The following EHBP1 variants were observed in gnomAD, a reference collection of about 807,000 sequenced individuals.
EHBP1 encodes EH domain binding protein 1.
A neutral mutation model predicts 144.0 loss-of-function variants in EHBP1; 55 were observed. The observed-to-expected ratio is 0.38, with a 90% CI of 0.31 to 0.48. The LOEUF (loss-of-function observed/expected upper bound fraction) is 0.48, where lower values mean the gene tolerates loss of function less well. Among genes scored for constraint, EHBP1 ranks in the 20% least tolerant of loss-of-function variants. The probability of loss-of-function intolerance (pLI) is 0.98; values close to 1 mark genes in which losing one functional copy is unlikely to be tolerated. For missense variants in EHBP1, 1,200 were observed against 1,364.2 expected, an observed-to-expected ratio of 0.88 and a Z score of 1.90; for synonymous variants, 469 against 472.7, an observed-to-expected ratio of 0.99 and a Z score of 0.10.
chr2:62,794,698 T>C (rs2043414527), intron 5 of EHBP1, among the ~76,000 whole-genome samples: 1 of 152,012 alleles, frequency 6.6e-6, no homozygotes, highest in Non-Finnish European at 1.5e-5. Context: ...TACTATTGAA[T>C]CTTCTTTAAA....
chr2:62,901,534 T>C (rs1163306715), intron 10 of EHBP1, among the ~76,000 whole-genome samples: 1 of 151,948 alleles, frequency 6.6e-6, no homozygotes, highest in Admixed American at 6.6e-5. Flanking sequence ...AAGTTGGAGA[T>C]GCTATTTTAT....
At chr2:63,028,887 C>G (rs1333891635) in intron 19 of EHBP1, among the ~76,000 whole-genome samples, 1 of 152,112 alleles carries the variant, frequency 6.6e-6, no homozygotes, top group African/African-American at 2.4e-5. Flanking sequence ...ATGATGAAAA[C>G]TTACTTTCCC....
intron 2 of EHBP1, 53 bp from the exon 3 acceptor site, chr2:62,747,342 G>T: frequency 6.4e-7 from 1 of 1,550,522 alleles, no homozygotes. Flanking sequence ...GCGCTAAAAT[G>T]AAACTTTATT....
intron 10 of EHBP1, among the ~76,000 whole-genome samples, chr2:62,905,282 G>C (rs2053706536): frequency 6.6e-6 from 1 of 152,262 alleles, no homozygotes; most frequent in Non-Finnish European, 1.5e-5. Flanking sequence ...AAGGAGGAAA[G>C]AGGGACACTT....
intron 7 of EHBP1, among the ~76,000 whole-genome samples, chr2:62,835,015 T>G (rs2047101326): frequency 6.6e-6 from 1 of 152,232 alleles, no homozygotes; most frequent in South Asian, 2.1e-4. Flanking sequence ...TATAAAAGTT[T>G]ATTCTCTTAA....
Position 62,747,443 on chromosome 2 carries a change from G to A in EHBP1, c.153G>A (p.Lys51=), listed in dbSNP as rs751842973. Residue 51 remains lysine, a synonymous_variant, in exon 3 of 23, where the codon AAG becomes AAA. Coordinates refer to ENST00000431489, the MANE Select transcript of EHBP1 (RefSeq NM_001142616.3). ...VVVWTRRSRR[K]SSKAHSWQPG... is the part of the protein sequence containing the mutation. ...TTTGGACCAGAAGAAGCCGAAGGAA[G>A]TCTTCTAAGGTTAGTGTATTTTCTA... is the stretch of plus-strand genomic sequence containing the variant. 1.2e-6 allele frequency: 2 copies of A among 1,606,508 alleles called. No homozygotes were observed. Among genetic ancestry groups the A allele is most frequent in the East Asian group, 4.5e-5 (2 of 44,676 alleles).
chr2:62,915,926 A>G (rs368085728), intron 10 of EHBP1, among the ~76,000 whole-genome samples: 2 of 152,340 alleles, frequency 1.3e-5, no homozygotes, highest in South Asian at 2.1e-4. Context: ...TCACAGAACA[A>G]TGAAATACTA....
intron 2 of EHBP1, among the ~76,000 whole-genome samples, chr2:62,716,094 T>G (rs2035647077): frequency 1.3e-5 from 2 of 152,178 alleles, no homozygotes; most frequent in Admixed American, 1.3e-4. Context: ...GCATGGTTTC[T>G]TTCAGATCTT....
exon 1 of EHBP1, chr2:62,674,041 G>A (rs985967725): frequency 3.8e-5 from 18 of 470,910 alleles, no homozygotes; most frequent in East Asian, 1.4e-4. Flanking sequence ...TCAAGAAGCC[G>A]AATCAAAAAG....
At chr2:62,762,856 T>G (rs900613633) in intron 3 of EHBP1, among the ~76,000 whole-genome samples, 1 of 152,200 alleles carries the variant, frequency 6.6e-6, no homozygotes, top group Admixed American at 6.5e-5. Context: ...TAGATTGTCA[T>G]TCCTCTCCTT....
intron 10 of EHBP1, among the ~76,000 whole-genome samples, chr2:62,925,675 A>G (rs888332176): frequency 1.3e-5 from 2 of 152,140 alleles, no homozygotes; most frequent in African/African-American, 4.8e-5. Flanking sequence ...CCCATTTACA[A>G]TAGCTCCCCA....
chr2:62,862,611 T>C lies in EHBP1; in HGVS notation c.758-2120T>C, dbSNP rs1259426951. On this transcript the variant is annotated intron_variant, in intron 8 of 22. Transcript: ENST00000431489. ...CCAGCCTGGGCAACAAGAGCGAAAC[T>C]CCATCTCAAAAAAATAAAAGTAATT... is the stretch of plus-strand genomic sequence containing the variant. Among the ~76,000 whole-genome samples, 5 of 151,714 alleles carry C rather than the reference T, an allele frequency of 3.3e-5. 1 individual carries two copies. The highest frequency in any genetic ancestry group is 3.3e-4 in the Admixed American group (5 of 15,254).
In EHBP1 at chr2:62,942,952, A is replaced by G. The variant is rs2056847971; in HGVS notation, c.1364+56A>G. On this transcript the variant is annotated intron_variant, in intron 11 of 22. Transcript: ENST00000431489. ...TTTGTAAGTGATAGACATTTTTGAA[A>G]AGAACATAAAATAATTTCTTAGCAC... 2.4e-6 allele frequency: 3 copies of G among 1,267,738 alleles called. No homozygotes were observed. In the East Asian group the frequency reaches 7.6e-5, roughly 32 times the overall value. 78.5% of individuals were successfully genotyped at this position (1,267,738 alleles called of 1,614,324 possible). A position where few individuals can be genotyped will look rare whatever the true frequency, so the allele number is the denominator to read the frequency against.
rs2061952004 is a variant in EHBP1 at position 63,046,286 on chromosome 2, C to G, written c.*786C>G. On this transcript the variant is annotated 3_prime_UTR_variant, in exon 23 of 23. Transcript: ENST00000431489. The stretch of plus-strand genomic sequence containing the variant: ...GCTTGATTCCTACATTTTGTTGGGT[C>G]TCAACATTGGCTCACGAATGCTGTT... 6.6e-6 allele frequency: 1 copy of G among 152,612 alleles called. No homozygotes were observed. The highest frequency in any genetic ancestry group is 2.1e-4 in the South Asian group (1 of 4,828). 9.5% of individuals were successfully genotyped at this position (152,612 alleles called of 1,614,324 possible).
At chr2:62,874,633 G>T (rs2050739223) in intron 10 of EHBP1, 101 bp downstream of exon 10, 7 of 1,035,978 alleles carry the variant, frequency 6.8e-6, no homozygotes, top group African/African-American at 4.9e-5. Flanking sequence ...TATTTTTGAT[G>T]ATTTAAAAAT....
chr2:62,825,110 C>T (rs1411139596), intron 5 of EHBP1, among the ~76,000 whole-genome samples: 3 of 151,970 alleles, frequency 2.0e-5, no homozygotes, highest in Non-Finnish European at 2.9e-5. Flanking sequence ...CAGTAAACTA[C>T]AAGAAATAAT....
chr2:62,822,835 G>A (rs1030438108), intron 5 of EHBP1, among the ~76,000 whole-genome samples: 1 of 152,088 alleles, frequency 6.6e-6, no homozygotes, highest in African/African-American at 2.4e-5. Flanking sequence ...TGCTACAGTC[G>A]AATCCAGGTT....
At chr2:62,813,443 G>A (rs1478431002) in intron 5 of EHBP1, among the ~76,000 whole-genome samples, 1 of 152,218 alleles carries the variant, frequency 6.6e-6, no homozygotes, top group African/African-American at 2.4e-5. Context: ...GCAGTGTCTG[G>A]TGGAGCCATG....
chr2:63,002,136 T>G (rs2059874376), intron 19 of EHBP1, among the ~76,000 whole-genome samples: 1 of 152,122 alleles, frequency 6.6e-6, no homozygotes, highest in Non-Finnish European at 1.5e-5. Flanking sequence ...AGCATCTCAC[T>G]CTTTACTAAT....
Sources: allele counts gnomAD v4.1 joint callset (sites outside exome capture counted in the v4.1 genomes callset), GRCh38; gene constraint gnomAD v4.1.1; transcripts MANE v1.5; gene names NCBI Gene and HGNC (gene_info 2026-07-23, HGNC 2026-07-21).